LINS1: variants seen among roughly 807,000 people sequenced by gnomAD.
LINS1 encodes protein Lines homolog 1.
In LINS1, 27 loss-of-function variants were observed where a neutral mutation model predicts 41.6. The ratio of observed to expected loss-of-function variants is 0.65; its 90% CI spans 0.48 to 0.89. LINS1 has a LOEUF of 0.89. Among genes scored for constraint, LINS1 ranks in the 40% least tolerant of loss-of-function variants. The pLI is 0.00. For missense variants in LINS1, 955 were observed against 884.1 expected (o/e 1.08, Z -1.02); for synonymous variants, 336 against 312.9 (o/e 1.07, Z -0.78).
chr15:100,573,441 C>A, intron 5 of LINS1: 2 of 991,968 alleles, frequency 2.0e-6, no homozygotes, highest in Non-Finnish European at 2.8e-6. Context: ...TTATGCTTTA[C>A]AAATTCATTG....
intron 1 of LINS1, among the ~76,000 whole-genome samples, chr15:100,584,206 A>C (rs1596935731): frequency 6.6e-6 from 1 of 152,220 alleles, no homozygotes; most frequent in Non-Finnish European, 1.5e-5. Flanking sequence ...TTACTATCAC[A>C]TGCTCAACTC....
At chr15:100,580,396 T>C in intron 2 of LINS1, 44 bp from the exon 3 acceptor site, 1 of 1,606,230 alleles carries the variant, frequency 6.2e-7, no homozygotes, top group African/African-American at 1.3e-5. Context: ...CTGAATGTTC[T>C]TAAAATTATT....
At chr15:100,601,498 T>C (rs75428278) in intron 1 of LINS1, among the ~76,000 whole-genome samples, 3 of 152,146 alleles carry the variant, frequency 2.0e-5, no homozygotes, top group African/African-American at 4.8e-5. Context: ...ACTGCCACAT[T>C]GGGGATTAAA....
chr15:100,569,677 A>G lies in LINS1; in HGVS notation c.1835T>C (p.Met612Thr), dbSNP rs370082688. 1.3e-4 allele frequency: 208 copies of G among 1,613,866 alleles called. 1 individual carries two copies. In the South Asian group the frequency reaches 2.2e-3, roughly 17 times the overall value. The stretch of plus-strand genomic sequence containing the variant: ...GGGGGAAGACAGACTAGAAGCACAC[A>G]TGGTGTGAGCCCCCTTGGACATCAC... The part of the protein sequence containing the change: ...KAVMSKGAHT[M>T]CASSLSSPRA... Residue 612 changes from methionine to threonine, a missense_variant, in exon 7 of 7, where the codon ATG (methionine) becomes ACG (threonine). Met to Thr is a moderately conservative substitution (Grantham distance 81). Coordinates refer to ENST00000314742, the MANE Select transcript of LINS1 (RefSeq NM_001040616.3).
intron 1 of LINS1, among the ~76,000 whole-genome samples, chr15:100,597,450 G>A (rs1049429917): frequency 1.3e-5 from 2 of 152,180 alleles, no homozygotes; most frequent in Non-Finnish European, 2.9e-5. Flanking sequence ...GATTTAGTGG[G>A]TCTGGGAGGG....
Position 100,569,224 on chromosome 15 carries a change from A to G in LINS1, c.*14T>C, listed in dbSNP as rs775844782. The G allele has an allele frequency of 9.8e-6, 15 of 1,528,666 alleles. No individual in the cohort carries two copies. In the Admixed American group the frequency reaches 1.2e-4, roughly 12 times the overall value. 94.7% of individuals were successfully genotyped at this position (1,528,666 alleles called of 1,614,324 possible). ...TAAGGAAAAACAATACCTGGAAAATAAAATGTCAATGTTTTACAAAGTGTT... is the reference window on the plus strand; with the variant it reads ...TAAGGAAAAACAATACCTGGAAAATGAAATGTCAATGTTTTACAAAGTGTT... On this transcript the variant is annotated 3_prime_UTR_variant, in exon 7 of 7. Coordinates refer to ENST00000314742, the MANE Select transcript of LINS1 (RefSeq NM_001040616.3).
chr15:100,600,543 C>T (rs866172575), intron 1 of LINS1, among the ~76,000 whole-genome samples: 154 of 10,294 alleles, frequency 0.015, no homozygotes, highest in African/African-American at 0.067. Flanking sequence ...TGGAGTCCTG[C>T]TGTTAAGCAA....
chr15:100,586,956 C>T (rs1048353098), intron 1 of LINS1, among the ~76,000 whole-genome samples: 9 of 151,816 alleles, frequency 5.9e-5, no homozygotes, highest in Non-Finnish European at 1.0e-4. Context: ...GTCAGGAGAT[C>T]GAGACCATCC....
chr15:100,586,717 C>T (rs1319767726), intron 1 of LINS1, among the ~76,000 whole-genome samples: 2 of 151,856 alleles, frequency 1.3e-5, no homozygotes, highest in Admixed American at 6.6e-5. Context: ...TATGAAATAC[C>T]ATAGTAAGAA....
In LINS1 at chr15:100,566,970, C is replaced by T. The variant is rs898057583; in HGVS notation, c.*2268G>A. 6.6e-6 allele frequency: 1 copy of T among 152,082 alleles called. No individual in the cohort carries two copies. The highest frequency in any genetic ancestry group is 1.5e-5 in the Non-Finnish European group (1 of 68,032). The allele number at this position is 152,082 out of a possible 1,614,324, so 9.4% of individuals were successfully genotyped here. ...TTTATGTACCCTTAGGAACAAGAGT[C>T]GATTTTTTTTTCCCAGTTATTTCCA... On this transcript the variant is annotated 3_prime_UTR_variant, in exon 7 of 7. Coordinates refer to ENST00000314742, the MANE Select transcript of LINS1 (RefSeq NM_001040616.3).
chr15:100,581,423 G>T (rs560708720), intron 1 of LINS1, among the ~76,000 whole-genome samples: 1 of 152,162 alleles, frequency 6.6e-6, no homozygotes, highest in Non-Finnish European at 1.5e-5. Context: ...AATCACTCCA[G>T]TTGAGAACCA....
intron 1 of LINS1, among the ~76,000 whole-genome samples, chr15:100,593,491 G>A (rs1036251500): frequency 6.9e-6 from 1 of 143,932 alleles, no homozygotes; most frequent in Non-Finnish European, 1.5e-5. Context: ...TTAGGAATAC[G>A]AATCGTTAAA....
At chr15:100,591,922 CT>C (rs968024692) in intron 1 of LINS1, among the ~76,000 whole-genome samples, 44 of 152,246 alleles carry the variant, frequency 2.9e-4, no homozygotes, top group African/African-American at 1.1e-3. Context: ...TCACATCTTT[CT>C]GGGGGGAAAT....
intron 1 of LINS1, among the ~76,000 whole-genome samples, chr15:100,582,154 T>C (rs1303499262): frequency 6.6e-6 from 1 of 151,892 alleles, no homozygotes; most frequent in African/African-American, 2.4e-5. Flanking sequence ...CTGTCTACAC[T>C]ACGGCCCACC....
At chr15:100,592,484 G>A (rs999633724) in intron 1 of LINS1, among the ~76,000 whole-genome samples, 3 of 151,914 alleles carry the variant, frequency 2.0e-5, no homozygotes, top group African/African-American at 4.8e-5. Flanking sequence ...CTGAGCATAG[G>A]GCTGATTCCC....
chr15:100,591,850 G>A (rs117300999), intron 1 of LINS1, among the ~76,000 whole-genome samples: 2,373 of 152,256 alleles, frequency 0.016, 37 homozygotes, highest in Non-Finnish European at 0.022. Context: ...CCCCAAGCCA[G>A]CATGAAGCAG....
Position 100,580,768 on chromosome 15 carries a change from G to A in LINS1, c.75C>T (p.Ser25=). 1 of 1,609,542 alleles carries A rather than the reference G, an allele frequency of 6.2e-7. No individual in the cohort carries two copies. The highest frequency in any genetic ancestry group is 8.5e-7 in the Non-Finnish European group (1 of 1,176,722). ...VLLGATLEND[S]HDYIFYLNPA... ...GGTTGAGATAAAAGATGTAATCATG[G>A]CTGTCATTTTCAAGTGTGGCTCCAA... is the stretch of plus-strand genomic sequence containing the variant. Residue 25 remains serine, a synonymous_variant, in exon 2 of 7, where the codon AGC becomes AGT. Transcript: ENST00000314742.
At chr15:100,600,683 G>A (rs996618354) in intron 1 of LINS1, among the ~76,000 whole-genome samples, 1 of 151,320 alleles carries the variant, frequency 6.6e-6, no homozygotes, top group South Asian at 2.1e-4. Flanking sequence ...ATTTCAAGAA[G>A]AAATGGAAAT....
intron 3 of LINS1, among the ~76,000 whole-genome samples, chr15:100,578,028 A>G (rs2038292895): frequency 6.6e-6 from 1 of 152,190 alleles, no homozygotes; most frequent in African/African-American, 2.4e-5. Flanking sequence ...TTAATTCAAG[A>G]TGGATTAAAG....
Sources: allele counts gnomAD v4.1 joint callset (sites outside exome capture counted in the v4.1 genomes callset), GRCh38; gene constraint gnomAD v4.1.1; transcripts MANE v1.5; gene names NCBI Gene and HGNC (gene_info 2026-07-23, HGNC 2026-07-21).